Variants in PKIA observed in about 807,000 individuals in gnomAD.
The protein encoded by PKIA is cAMP-dependent protein kinase inhibitor alpha.
In PKIA, 4 loss-of-function variants were observed where a neutral mutation model predicts 7.6. The ratio of observed to expected loss-of-function variants is 0.52; its 90% CI spans 0.26 to 1.20. The LOEUF (loss-of-function observed/expected upper bound fraction) is 1.20. Ranked by LOEUF, PKIA falls within the 50% of genes most tolerant of loss-of-function variation. PKIA has a pLI of 0.13. For synonymous variants in PKIA, 21 were observed against 30.7 expected, an observed-to-expected ratio of 0.68 and a Z score of 1.04; for missense variants, 73 against 86.2, an observed-to-expected ratio of 0.85 and a Z score of 0.61.
At chr8:78,588,226 C>CT (rs1293673388) in intron 2 of PKIA, among the ~76,000 whole-genome samples, 1 of 152,106 alleles carries the variant, frequency 6.6e-6, no homozygotes, top group African/African-American at 2.4e-5. Flanking sequence ...AGCTTTGGTA[C>CT]TTTAAATACT....
chr8:78,565,544 G>A (rs1342805951), intron 1 of PKIA, among the ~76,000 whole-genome samples: 1 of 152,052 alleles, frequency 6.6e-6, no homozygotes, highest in African/African-American at 2.4e-5. Flanking sequence ...TCACCCATAT[G>A]ACAAATAATT....
intron 1 of PKIA, among the ~76,000 whole-genome samples, chr8:78,517,363 C>T (rs1809335255): frequency 6.6e-6 from 1 of 152,162 alleles, no homozygotes. Context: ...CAGATAGAAT[C>T]TACTGGAGTG....
chr8:78,539,440 C>A (rs1451198831), intron 1 of PKIA, among the ~76,000 whole-genome samples: 1 of 152,018 alleles, frequency 6.6e-6, no homozygotes, highest in Non-Finnish European at 1.5e-5. Flanking sequence ...TCTCAGATTT[C>A]TTGGGAATTG....
intron 1 of PKIA, among the ~76,000 whole-genome samples, chr8:78,553,769 G>A (rs973796526): frequency 1.3e-5 from 2 of 150,568 alleles, no homozygotes; most frequent in African/African-American, 4.9e-5. Flanking sequence ...CTTTGGAAGA[G>A]GGTTAGATGA....
intron 2 of PKIA, among the ~76,000 whole-genome samples, chr8:78,592,986 A>G (rs185379138): frequency 6.6e-6 from 1 of 152,334 alleles, no homozygotes; most frequent in East Asian, 1.9e-4. Context: ...CCATAGTTTA[A>G]GTCATGGTAA....
intron 1 of PKIA, among the ~76,000 whole-genome samples, chr8:78,557,965 G>A (rs1453574723): frequency 6.6e-6 from 1 of 152,138 alleles, no homozygotes; most frequent in African/African-American, 2.4e-5. Context: ...ATGTAAATTA[G>A]ACTCTAAGAT....
intron 1 of PKIA, among the ~76,000 whole-genome samples, chr8:78,540,709 ATT>A (rs774998973): frequency 6.8e-6 from 1 of 146,374 alleles, no homozygotes. Flanking sequence ...TTTTTCGCAA[ATT>A]TTTTTTTTTT....
At chr8:78,522,136 CTT>C (rs1408933897) in intron 1 of PKIA, among the ~76,000 whole-genome samples, 21 of 151,990 alleles carry the variant, frequency 1.4e-4, no homozygotes, top group Non-Finnish European at 1.9e-4. Context: ...TTGCAAAACA[CTT>C]TCAGTACATT....
At chr8:78,543,244 A>G (rs1353807719) in intron 1 of PKIA, among the ~76,000 whole-genome samples, 1 of 152,180 alleles carries the variant, frequency 6.6e-6, no homozygotes, top group African/African-American at 2.4e-5. Context: ...TCCTTGTAGC[A>G]TTGCTTCTAA....
At chr8:78,540,829 T>G (rs2118410713) in intron 1 of PKIA, among the ~76,000 whole-genome samples, 1 of 152,118 alleles carries the variant, frequency 6.6e-6, no homozygotes, top group African/African-American at 2.4e-5. Flanking sequence ...TTATAATTAT[T>G]ACATTTGAGA....
At chr8:78,559,900 G>T (rs529941849) in intron 1 of PKIA, among the ~76,000 whole-genome samples, 1 of 152,140 alleles carries the variant, frequency 6.6e-6, no homozygotes, top group Non-Finnish European at 1.5e-5. Flanking sequence ...GTCCCAAAGT[G>T]ATAACCTAGA....
rs896195629 is a variant in PKIA at position 78,605,059 on chromosome 8, C to T, written c.*3238C>T. 2.0e-5 allele frequency: 3 copies of T among 151,768 alleles called. No homozygotes were observed. Among genetic ancestry groups the T allele is most frequent in the African/African-American group, 7.3e-5 (3 of 41,312 alleles). 9.4% of individuals were successfully genotyped at this position (151,768 alleles called of 1,614,324 possible). A position where few individuals can be genotyped will look rare whatever the true frequency, so the allele number is the denominator to read the frequency against. ...AGCTTCTAAGTGAAACCTGTAGTAGCAGTAGTAGTAGGGAGAAAATGTGTA... is the reference window on the plus strand; with the variant it reads ...AGCTTCTAAGTGAAACCTGTAGTAGTAGTAGTAGTAGGGAGAAAATGTGTA... On this transcript the variant is annotated 3_prime_UTR_variant, in exon 4 of 4. Coordinates refer to ENST00000396418, the MANE Select transcript of PKIA (RefSeq NM_006823.4).
At chr8:78,557,833 A>G (rs1807179786) in intron 1 of PKIA, among the ~76,000 whole-genome samples, 2 of 149,712 alleles carry the variant, frequency 1.3e-5, no homozygotes, top group Admixed American at 1.3e-4. Context: ...CAGTAGTACA[A>G]TGTTGCTTGT....
chr8:78,523,997 CA>C (rs1329113422), intron 1 of PKIA, among the ~76,000 whole-genome samples: 1 of 107,454 alleles, frequency 9.3e-6, no homozygotes, highest in Non-Finnish European at 1.9e-5. Context: ...TATATATAAA[CA>C]TTTATATATA....
intron 2 of PKIA, among the ~76,000 whole-genome samples, chr8:78,581,834 A>G (rs1168845676): frequency 6.6e-6 from 1 of 152,100 alleles, no homozygotes; most frequent in African/African-American, 2.4e-5. Flanking sequence ...AGACAGTACT[A>G]TAGTAATGTA....
intron 2 of PKIA, among the ~76,000 whole-genome samples, chr8:78,574,608 T>C (rs1160009213): frequency 6.6e-6 from 1 of 151,968 alleles, no homozygotes; most frequent in African/African-American, 2.4e-5. Context: ...AGTGAACTAG[T>C]GATCTAAAAT....
intron 1 of PKIA, among the ~76,000 whole-genome samples, chr8:78,522,164 C>T (rs1316084612): frequency 6.6e-6 from 1 of 151,844 alleles, no homozygotes; most frequent in Non-Finnish European, 1.5e-5. Flanking sequence ...TTACATTAAA[C>T]ATGGCTAGCA....
chr8:78,600,109 C>T (rs1471249941), intron 3 of PKIA, among the ~76,000 whole-genome samples: 2 of 151,546 alleles, frequency 1.3e-5, no homozygotes, highest in African/African-American at 4.8e-5. Flanking sequence ...ATTCACTAGG[C>T]TCTTGCAACA....
At position 78,534,420 on chromosome 8, in the gene PKIA, A is replaced by G. The variant is rs557080635; in HGVS notation, c.-157+17952A>G. On this transcript the variant is annotated intron_variant, in intron 1 of 3. Coordinates refer to ENST00000396418, the MANE Select transcript of PKIA (RefSeq NM_006823.4). ...TGCCAAAGGACGTTGTCAAGTTATTATCAGCATTCAGTTCAGCACTAGGTT... is the reference window on the plus strand; with the variant it reads ...TGCCAAAGGACGTTGTCAAGTTATTGTCAGCATTCAGTTCAGCACTAGGTT... 2.0e-5 allele frequency: 3 copies of G among 152,262 alleles called. No homozygotes were observed. The East Asian group carries it at 5.8e-4, about 29-fold the overall frequency. The allele number at this position is 152,262 out of a possible 1,614,324, so 9.4% of individuals were successfully genotyped here. A position where few individuals can be genotyped will look rare whatever the true frequency, so the allele number is the denominator to read the frequency against.
Sources: allele counts gnomAD v4.1 joint callset (sites outside exome capture counted in the v4.1 genomes callset), GRCh38; gene constraint gnomAD v4.1.1; transcripts MANE v1.5; gene names NCBI Gene and HGNC (gene_info 2026-07-23, HGNC 2026-07-21).